The following STAU2 variants were observed in gnomAD, a reference collection of about 807,000 sequenced individuals.
The protein encoded by STAU2 is double-stranded RNA-binding protein Staufen homolog 2.
In STAU2, 20 loss-of-function variants were observed where a neutral mutation model predicts 65.9. The observed-to-expected ratio is 0.30, with a 90% confidence interval of 0.21 to 0.44. STAU2 has a LOEUF of 0.44. Among genes scored for constraint, STAU2 ranks in the 20% least tolerant of loss-of-function variants. The pLI is 1.00. For missense variants in STAU2, 558 were observed against 683.9 expected (o/e 0.82, Z 2.05); for synonymous variants, 232 against 233.9 (o/e 0.99, Z 0.07).
intron 3 of STAU2, among the ~76,000 whole-genome samples, chr8:73,729,422 A>G (rs1805888678): frequency 6.6e-6 from 1 of 152,212 alleles, no homozygotes; most frequent in Non-Finnish European, 1.5e-5. Context: ...GGCCTCAAAG[A>G]GTGAGTTAGG....
chr8:73,597,579 A>G (rs1045823860), intron 10 of STAU2, among the ~76,000 whole-genome samples: 1 of 147,608 alleles, frequency 6.8e-6, no homozygotes, highest in Admixed American at 6.9e-5. Context: ...CTGATGCAGG[A>G]GAATTGCCTG....
rs115600168 is a variant in STAU2 at position 73,437,939 on chromosome 8, G to C, written c.1531-15237C>G. 2.7e-3 allele frequency among the ~76,000 whole-genome samples: 415 copies of C among 152,214 alleles called. 3 individuals carry two copies. Among genetic ancestry groups the C allele is most frequent in the African/African-American group, 9.4e-3 (392 of 41,538 alleles). ...GAAGGCAATCACGCACCATGCCCCCGTTACTCCTCCGCTCTGTGCTGGGCT... is the reference window on the plus strand; with the variant it reads ...GAAGGCAATCACGCACCATGCCCCCCTTACTCCTCCGCTCTGTGCTGGGCT... On this transcript the variant is annotated intron_variant, in intron 13 of 14. Transcript: ENST00000524300.
At chr8:73,704,004 A>G (rs534968908) in intron 4 of STAU2, among the ~76,000 whole-genome samples, 2 of 152,200 alleles carry the variant, frequency 1.3e-5, no homozygotes, top group African/African-American at 4.8e-5. Context: ...TCTTTACTAC[A>G]TTTCCCTTCC....
chr8:73,724,434 A>G (rs898944322), intron 3 of STAU2, among the ~76,000 whole-genome samples: 2 of 152,144 alleles, frequency 1.3e-5, no homozygotes, highest in Non-Finnish European at 2.9e-5. Flanking sequence ...ACTTTACCAT[A>G]GTGACAAAGT....
At chr8:73,674,899 T>C (rs1441341309) in intron 5 of STAU2, among the ~76,000 whole-genome samples, 2 of 151,938 alleles carry the variant, frequency 1.3e-5, no homozygotes, top group Non-Finnish European at 2.9e-5. Flanking sequence ...CATGATGTAT[T>C]TTCTCTTAAG....
At chr8:73,574,436 G>A (rs1334440952) in intron 12 of STAU2, among the ~76,000 whole-genome samples, 3 of 152,138 alleles carry the variant, frequency 2.0e-5, no homozygotes, top group African/African-American at 4.8e-5. Flanking sequence ...AAATCATGCT[G>A]CTATAAAGAC....
chr8:73,517,893 T>A (rs1008592924), intron 13 of STAU2, among the ~76,000 whole-genome samples: 4 of 152,224 alleles, frequency 2.6e-5, no homozygotes, highest in African/African-American at 9.6e-5. Context: ...TAAGCATATA[T>A]GAAATTATAA....
chr8:73,507,637 G>A (rs1218969897), intron 13 of STAU2, among the ~76,000 whole-genome samples: 9 of 152,124 alleles, frequency 5.9e-5, no homozygotes, highest in African/African-American at 1.7e-4. Context: ...TGCCTTCACC[G>A]CTAATGAGAA....
chr8:73,443,909 A>C (rs1818330506), intron 13 of STAU2, among the ~76,000 whole-genome samples: 1 of 151,880 alleles, frequency 6.6e-6, no homozygotes, highest in African/African-American at 2.4e-5. Flanking sequence ...AAAGTTAGCT[A>C]ACTGCTAAAC....
intron 6 of STAU2, among the ~76,000 whole-genome samples, chr8:73,663,919 C>T (rs1459904941): frequency 2.0e-5 from 3 of 152,176 alleles, no homozygotes; most frequent in Admixed American, 2.0e-4. Context: ...AGTAGCTTTT[C>T]AGTACTTTTG....
chr8:73,714,441 C>T (rs981895065), intron 3 of STAU2, among the ~76,000 whole-genome samples: 13 of 152,158 alleles, frequency 8.5e-5, no homozygotes, highest in Admixed American at 5.2e-4. Context: ...GCAAAATTAT[C>T]GACAAACTAC....
intron 13 of STAU2, among the ~76,000 whole-genome samples, chr8:73,464,607 C>T (rs994339089): frequency 9.2e-5 from 14 of 151,756 alleles, no homozygotes; most frequent in South Asian, 2.1e-4. Context: ...CGCGCACACA[C>T]ACACACACAC....
chr8:73,706,058 C>T (rs1820479832), intron 4 of STAU2, among the ~76,000 whole-genome samples: 1 of 152,122 alleles, frequency 6.6e-6, no homozygotes, highest in African/African-American at 2.4e-5. Flanking sequence ...AACCACTTCT[C>T]ACCTATGTCA....
chr8:73,617,206 G>C, intron 7 of STAU2, 86 bp downstream of exon 7: 1 of 1,491,168 alleles, frequency 6.7e-7, no homozygotes, highest in Admixed American at 2.0e-5. Flanking sequence ...TATCAGAACA[G>C]ATTATTTATT....
chr8:73,741,304 C>CAAAAAAA (rs761906073), intron 1 of STAU2, among the ~76,000 whole-genome samples: 3 of 112,106 alleles, frequency 2.7e-5, no homozygotes, highest in Non-Finnish European at 5.2e-5. Context: ...GACTCCGTCT[C>CAAAAAAA]AAAAAAAAAA....
At chr8:73,735,371 T>C (rs921309825) in intron 3 of STAU2, among the ~76,000 whole-genome samples, 2 of 152,144 alleles carry the variant, frequency 1.3e-5, no homozygotes, top group African/African-American at 4.8e-5. Flanking sequence ...CTTGAACAGT[T>C]TGGGGGATGA....
intron 4 of STAU2, among the ~76,000 whole-genome samples, chr8:73,704,157 T>C (rs1216124246): frequency 6.6e-6 from 1 of 152,192 alleles, no homozygotes; most frequent in Non-Finnish European, 1.5e-5. Context: ...ACTCATCAAC[T>C]GATGAAATCC....
chr8:73,436,568 T>TTTTTTTATTTA (rs140061730), intron 13 of STAU2, among the ~76,000 whole-genome samples: 1 of 141,416 alleles, frequency 7.1e-6, no homozygotes, highest in South Asian at 2.3e-4. Context: ...TTTGCCAATT[T>TTTTTTTATTTA]TTTATTTATT....
rs537923249 is a variant in STAU2 at position 73,559,214 on chromosome 8, C to T, written c.1223-6895G>A. 1.4e-4 allele frequency among the ~76,000 whole-genome samples: 21 copies of T among 152,244 alleles called. 1 individual carries two copies. In the South Asian group the frequency reaches 2.5e-3, roughly 18 times the overall value. ...GACGGGTACATGCAACCTCTTTGTA[C>T]CATTCTTATAACTTCTTGTGAGTCT... On this transcript the variant is annotated intron_variant, in intron 12 of 14. Transcript: ENST00000524300.
Sources: allele counts gnomAD v4.1 joint callset (sites outside exome capture counted in the v4.1 genomes callset), GRCh38; gene constraint gnomAD v4.1.1; transcripts MANE v1.5; gene names NCBI Gene and HGNC (gene_info 2026-07-23, HGNC 2026-07-21).